Variants in USH2A observed in about 807,000 individuals in gnomAD.
USH2A encodes the protein usherin, also known as Usher syndrome 2A (autosomal recessive, mild).
USH2A carries 443 observed loss-of-function variants against 538.9 expected under a neutral mutation model. The observed-to-expected ratio is 0.82, with a 90% CI of 0.76 to 0.89. The LOEUF (loss-of-function observed/expected upper bound fraction) is 0.89, where lower values mean the gene tolerates loss of function less well. USH2A is among the 40% of genes least tolerant of loss of function. The pLI, the probability that USH2A is intolerant of heterozygous loss-of-function variation, is 0.00. For missense variants in USH2A, 6,633 were observed against 6,324.8 expected, an observed-to-expected ratio of 1.05 and a Z score of -1.65; for synonymous variants, 2,413 against 2,273.5, an observed-to-expected ratio of 1.06 and a Z score of -1.75.
chr1:216,151,584 TAGCATC>T (rs1345348775), intron 21 of USH2A, among the ~76,000 whole-genome samples: 1 of 152,194 alleles, frequency 6.6e-6, no homozygotes, highest in Non-Finnish European at 1.5e-5. Context: ...ACTTCTCTGC[TAGCATC>T]ACACACATAT....
rs527236137 is a variant in USH2A at position 215,674,901 on chromosome 1, G to A, written c.13010C>T (p.Thr4337Met). The A allele has an allele frequency of 1.9e-5, 30 of 1,614,188 alleles. No individual in the cohort carries two copies. The highest frequency in any genetic ancestry group is 1.3e-4 in the East Asian group (6 of 44,862). The part of the protein sequence containing the change: ...STYSYALQAC[T>M]SGGCSTSKPT... ...TTTGCTGGTGGAGCATCCTCCACTCGTGCAGGCTTGGAGTGCATAGCTATA... is the reference window on the plus strand; with the variant it reads ...TTTGCTGGTGGAGCATCCTCCACTCATGCAGGCTTGGAGTGCATAGCTATA... The change falls in exon 63 of 72, where the codon ACG (threonine) becomes ATG (methionine). Residue 4337 changes from threonine (T) to methionine (M), a missense_variant. Coordinates refer to ENST00000307340, the MANE Select transcript of USH2A (RefSeq NM_206933.4).
At chr1:216,048,741 GA>G (rs2030632261) in intron 30 of USH2A, 94 bp from the exon 31 acceptor site, 1 of 1,062,348 alleles carries the variant, frequency 9.4e-7, no homozygotes, top group Non-Finnish European at 1.5e-6. Context: ...CTATAAGAGA[GA>G]GAGACAAAAA....
intron 20 of USH2A, among the ~76,000 whole-genome samples, chr1:216,181,958 T>C (rs1161889745): frequency 6.6e-6 from 1 of 152,118 alleles, no homozygotes; most frequent in Non-Finnish European, 1.5e-5. Context: ...TCTCAGAAAG[T>C]AGCGTCACTG....
intron 23 of USH2A, among the ~76,000 whole-genome samples, chr1:216,088,735 A>G (rs1460996958): frequency 1.3e-5 from 2 of 152,202 alleles, no homozygotes; most frequent in Non-Finnish European, 2.9e-5. Flanking sequence ...AAGTAAGATG[A>G]CAGAACATAA....
At chr1:216,368,672 G>A (rs2102713737) in intron 3 of USH2A, among the ~76,000 whole-genome samples, 1 of 152,328 alleles carries the variant, frequency 6.6e-6, no homozygotes, top group African/African-American at 2.4e-5. Context: ...ATGCTAGATA[G>A]TGTTTGAATC....
intron 21 of USH2A, among the ~76,000 whole-genome samples, chr1:216,142,526 T>TTTA (rs2102612379): frequency 6.6e-6 from 1 of 152,304 alleles, no homozygotes; most frequent in East Asian, 1.9e-4. Flanking sequence ...TCTAATCCTA[T>TTTA]GCACTTAGCA....
At chr1:216,290,802 T>A (rs1241409290) in intron 10 of USH2A, among the ~76,000 whole-genome samples, 4 of 152,144 alleles carry the variant, frequency 2.6e-5, no homozygotes, top group African/African-American at 4.8e-5. Flanking sequence ...GTATTTTCTA[T>A]CTCAATGGCT....
At chr1:215,652,821 T>C (rs1657122778) in intron 64 of USH2A, among the ~76,000 whole-genome samples, 1 of 152,186 alleles carries the variant, frequency 6.6e-6, no homozygotes, top group Non-Finnish European at 1.5e-5. Context: ...TGATATGACG[T>C]TTTTTGCCAA....
chr1:216,124,158 C>G (rs536145930), intron 21 of USH2A, among the ~76,000 whole-genome samples: 2 of 152,052 alleles, frequency 1.3e-5, no homozygotes, highest in Admixed American at 6.5e-5. Context: ...CACAATGTTG[C>G]CCAGGCAGAA....
intron 30 of USH2A, among the ~76,000 whole-genome samples, chr1:216,055,146 T>A (rs2030934277): frequency 6.6e-6 from 1 of 152,174 alleles, no homozygotes; most frequent in Non-Finnish European, 1.5e-5. Flanking sequence ...TTAGGAGCAG[T>A]CACAGCAAAC....
chr1:216,126,018 G>A (rs886426186), intron 21 of USH2A, among the ~76,000 whole-genome samples: 1 of 152,184 alleles, frequency 6.6e-6, no homozygotes, highest in Non-Finnish European at 1.5e-5. Flanking sequence ...TTTCAAAAAT[G>A]TGTTTTAATG....
chr1:215,701,174 T>C (rs1659002549), intron 61 of USH2A, among the ~76,000 whole-genome samples: 1 of 152,112 alleles, frequency 6.6e-6, no homozygotes, highest in African/African-American at 2.4e-5. Flanking sequence ...TCTGAGAGAC[T>C]GTTATGATTT....
At chr1:215,719,342 C>T (rs12407588) in intron 61 of USH2A, among the ~76,000 whole-genome samples, 23,251 of 134,450 alleles carry the variant, frequency 0.17, 2,069 homozygotes, top group South Asian at 0.3. Flanking sequence ...AGGGATAAGA[C>T]CGTAATAAAC....
chr1:216,055,473 C>T (rs11807325), intron 30 of USH2A, among the ~76,000 whole-genome samples: 5,828 of 152,256 alleles, frequency 0.038, 397 homozygotes, highest in African/African-American at 0.13. Context: ...TTTAAGTATA[C>T]ATCCCAAACC....
At chr1:215,844,590 G>A (rs1663786758) in intron 45 of USH2A, 94 bp from the exon 46 acceptor site, 2 of 1,325,098 alleles carry the variant, frequency 1.5e-6, no homozygotes, top group Admixed American at 1.8e-5. Flanking sequence ...TTTAGCAAAG[G>A]GTTCCTCGCT....
At chr1:216,328,628 T>C (rs2037784312) in intron 4 of USH2A, among the ~76,000 whole-genome samples, 1 of 152,110 alleles carries the variant, frequency 6.6e-6, no homozygotes, top group Non-Finnish European at 1.5e-5. Flanking sequence ...GTTTGATTTA[T>C]GTTTTCTGCT....
chr1:216,336,021 C>T lies in USH2A; in HGVS notation c.785-8367G>A, dbSNP rs116570092. Among the ~76,000 whole-genome samples the T allele has an allele frequency of 6.6e-3, 998 of 151,386 alleles. 2 individuals are homozygous for T. Among genetic ancestry groups the T allele is most frequent in the Non-Finnish European group, 0.011 (747 of 67,502 alleles). The stretch of plus-strand genomic sequence containing the variant: ...TGAATACAGATGCAAAAGTCTTCAA[C>T]AAAATTCTAGTGAACCAAATACAGT... On this transcript the variant is annotated intron_variant, in intron 4 of 71. Coordinates refer to ENST00000307340, the MANE Select transcript of USH2A (RefSeq NM_206933.4).
intron 21 of USH2A, among the ~76,000 whole-genome samples, chr1:216,162,269 G>A (rs2034073827): frequency 1.3e-5 from 2 of 151,688 alleles, no homozygotes; most frequent in African/African-American, 2.4e-5. Context: ...CTTCTGCAAT[G>A]TTTCATTGGC....
At chr1:216,392,731 T>C (rs1445745064) in intron 3 of USH2A, among the ~76,000 whole-genome samples, 1 of 152,116 alleles carries the variant, frequency 6.6e-6, no homozygotes, top group Non-Finnish European at 1.5e-5. Context: ...ACATATATAA[T>C]ATGCACATAA....
Sources: allele counts gnomAD v4.1 joint callset (sites outside exome capture counted in the v4.1 genomes callset), GRCh38; gene constraint gnomAD v4.1.1; transcripts MANE v1.5; gene names NCBI Gene and HGNC (gene_info 2026-07-23, HGNC 2026-07-21).